Variants in GRID2 observed in about 807,000 individuals in gnomAD.
GRID2 encodes the protein glutamate receptor ionotropic, delta-2.
A neutral mutation model predicts 114.8 loss-of-function variants in GRID2; 33 were observed. The ratio of observed to expected loss-of-function variants is 0.29; its 90% confidence interval spans 0.22 to 0.38. The LOEUF (loss-of-function observed/expected upper bound fraction) is 0.38, where lower values mean the gene tolerates loss of function less well. Ranked by LOEUF, GRID2 falls within the 10% of genes least tolerant of loss-of-function variation. The pLI, the probability that GRID2 is intolerant of heterozygous loss-of-function variation, is 1.00. For synonymous variants in GRID2, 505 were observed against 449.9 expected, an observed-to-expected ratio of 1.12 and a Z score of -1.55; for missense variants, 1,184 against 1,257.7, an observed-to-expected ratio of 0.94 and a Z score of 0.89.
chr4:93,793,832 A>G (rs924516015), intron 1 of GRID2, among the ~76,000 whole-genome samples: 1 of 152,170 alleles, frequency 6.6e-6, no homozygotes, highest in African/African-American at 2.4e-5. Context: ...TCTTCTTGGC[A>G]TGTTTTTCTC....
At chr4:93,134,932 A>T (rs1735110595) in intron 4 of GRID2, among the ~76,000 whole-genome samples, 1 of 152,084 alleles carries the variant, frequency 6.6e-6, no homozygotes, top group Admixed American at 6.6e-5. Flanking sequence ...CCCTTTACTG[A>T]GTTTCACCGT....
At chr4:92,997,354 ACT>A (rs751459631) in intron 2 of GRID2, among the ~76,000 whole-genome samples, 8 of 152,020 alleles carry the variant, frequency 5.3e-5, no homozygotes, top group South Asian at 2.1e-4. Context: ...TGATCCTAAG[ACT>A]CTCTCTAAGT....
At chr4:93,049,774 T>A (rs947469985) in intron 2 of GRID2, among the ~76,000 whole-genome samples, 1 of 151,980 alleles carries the variant, frequency 6.6e-6, no homozygotes, top group African/African-American at 2.4e-5. Flanking sequence ...TTATTTTACA[T>A]TTTCTTAGCA....
At chr4:93,546,057 C>T (rs562551262) in intron 13 of GRID2, among the ~76,000 whole-genome samples, 1 of 152,294 alleles carries the variant, frequency 6.6e-6, no homozygotes, top group East Asian at 1.9e-4. Flanking sequence ...AAATGTGCTT[C>T]ATGTTTCATT....
chr4:92,776,508 G>C (rs534811434), intron 2 of GRID2, among the ~76,000 whole-genome samples: 1 of 152,182 alleles, frequency 6.6e-6, no homozygotes, highest in East Asian at 1.9e-4. Context: ...GTATGTGTGT[G>C]AGGGTGTGTG....
intron 13 of GRID2, among the ~76,000 whole-genome samples, chr4:93,539,504 T>C (rs1303216078): frequency 6.6e-6 from 1 of 152,024 alleles, no homozygotes; most frequent in Non-Finnish European, 1.5e-5. Context: ...CACAAACTGT[T>C]CCTTCACCAA....
At chr4:93,020,288 AT>A (rs1334553776) in intron 2 of GRID2, among the ~76,000 whole-genome samples, 1 of 152,212 alleles carries the variant, frequency 6.6e-6, no homozygotes, top group East Asian at 1.9e-4. Flanking sequence ...CTGTTCCGAC[AT>A]CCCTATGAAT....
rs147418793 is a variant in GRID2 at position 92,818,074 on chromosome 4, G to A, written c.244+227788G>A. The stretch of plus-strand genomic sequence containing the variant: ...CTACATATGAGATATTGATGATCAT[G>A]TTGTCTTTTATGTTATCACTATATC... On this transcript the variant is annotated intron_variant, in intron 2 of 15. Coordinates refer to ENST00000282020, the MANE Select transcript of GRID2 (RefSeq NM_001510.4). 6.7e-3 allele frequency among the ~76,000 whole-genome samples: 1,014 copies of A among 152,182 alleles called. 17 individuals carry two copies. Among genetic ancestry groups the A allele is most frequent in the African/African-American group, 0.023 (950 of 41,532 alleles).
At chr4:93,016,364 C>A (rs1722715297) in intron 2 of GRID2, among the ~76,000 whole-genome samples, 1 of 152,102 alleles carries the variant, frequency 6.6e-6, no homozygotes, top group Admixed American at 6.6e-5. Context: ...TGAGTGCTTA[C>A]AATGCACTGT....
intron 1 of GRID2, among the ~76,000 whole-genome samples, chr4:92,357,869 A>G (rs1029252660): frequency 1.3e-5 from 2 of 151,926 alleles, no homozygotes; most frequent in African/African-American, 4.8e-5. Flanking sequence ...CTCTATTAAG[A>G]CAGGGCTGAT....
chr4:92,916,076 G>A lies in GRID2; in HGVS notation c.245-168919G>A, dbSNP rs1578459508. 2.0e-5 allele frequency among the ~76,000 whole-genome samples: 3 copies of A among 152,124 alleles called. No homozygotes were observed. The South Asian group carries it at 6.2e-4, about 32-fold the overall frequency. ...ATGCGTAAACTCTTTAGTGTAATTA[G>A]ATCCCATTTGTCAATTTTAGCTTTT... On this transcript the variant is annotated intron_variant, in intron 2 of 15. Coordinates refer to ENST00000282020, the MANE Select transcript of GRID2 (RefSeq NM_001510.4).
chr4:92,819,882 CTG>C (rs897013196), intron 2 of GRID2, among the ~76,000 whole-genome samples: 3 of 152,090 alleles, frequency 2.0e-5, no homozygotes, highest in Admixed American at 2.0e-4. Flanking sequence ...TGATAAAAGT[CTG>C]TCTTGTTTTG....
intron 11 of GRID2, among the ~76,000 whole-genome samples, chr4:93,460,390 G>C (rs1399589999): frequency 6.6e-6 from 1 of 152,080 alleles, no homozygotes; most frequent in Non-Finnish European, 1.5e-5. Flanking sequence ...CCAATTCCTT[G>C]AGTGCCTTTG....
At chr4:92,985,082 T>C (rs1181932823) in intron 2 of GRID2, among the ~76,000 whole-genome samples, 2 of 152,118 alleles carry the variant, frequency 1.3e-5, no homozygotes, top group Non-Finnish European at 1.5e-5. Context: ...AACAACAGCC[T>C]GATACCTTGT....
chr4:93,500,167 C>T (rs902625866), intron 12 of GRID2, among the ~76,000 whole-genome samples: 2 of 151,874 alleles, frequency 1.3e-5, no homozygotes, highest in South Asian at 2.1e-4. Flanking sequence ...AATCTGCATT[C>T]GAATTCTTTG....
chr4:93,228,079 T>C lies in GRID2; in HGVS notation c.1125+3304T>C, dbSNP rs538714087. Among the ~76,000 whole-genome samples, 29 of 152,336 alleles carry C rather than the reference T, an allele frequency of 1.9e-4. No individual in the cohort carries two copies. The South Asian group carries it at 4.1e-3, about 22-fold the overall frequency. Reference sequence around the variant, plus strand: ...ACCTTTATGCAGTTCCAAAGTCACTTCCACATATTCAGGTATTTATTATAA... The same window carrying C: ...ACCTTTATGCAGTTCCAAAGTCACTCCCACATATTCAGGTATTTATTATAA... On this transcript the variant is annotated intron_variant, in intron 7 of 15. Coordinates refer to ENST00000282020, the MANE Select transcript of GRID2 (RefSeq NM_001510.4).
chr4:92,554,409 C>T (rs1275546969), intron 1 of GRID2, among the ~76,000 whole-genome samples: 3 of 151,900 alleles, frequency 2.0e-5, no homozygotes, highest in South Asian at 2.1e-4. Context: ...GGTTCTGTTC[C>T]GAGTATAAAG....
chr4:93,707,787 T>C (rs753107623), intron 14 of GRID2, among the ~76,000 whole-genome samples: 6 of 151,922 alleles, frequency 3.9e-5, no homozygotes, highest in Non-Finnish European at 8.8e-5. Context: ...ATTAGGTTAT[T>C]TATTTGAAGT....
intron 14 of GRID2, among the ~76,000 whole-genome samples, chr4:93,636,959 G>A (rs1721462690): frequency 1.3e-5 from 2 of 152,022 alleles, no homozygotes; most frequent in Admixed American, 1.3e-4. Flanking sequence ...AAAAAAGTCA[G>A]TTTTTATCCC....
Sources: gnomAD v4.1 joint callset for allele counts (sites outside exome capture counted in the v4.1 genomes callset) on GRCh38, gnomAD v4.1.1 for gene constraint, MANE v1.5 for transcripts, NCBI Gene and HGNC (gene_info 2026-07-23, HGNC 2026-07-21) for gene names.